The following ABI3BP variants were observed in gnomAD, a reference collection of about 807,000 sequenced individuals.
The protein encoded by ABI3BP is ABI family member 3 binding protein, also known as target of Nesh-SH3.
In ABI3BP, 216 loss-of-function variants were observed where a neutral mutation model predicts 268.6. That is an observed-to-expected ratio of 0.80 (90% CI 0.72 to 0.90). The LOEUF (loss-of-function observed/expected upper bound fraction) is 0.90. Ranked by LOEUF, ABI3BP falls within the 40% of genes least tolerant of loss-of-function variation. The pLI is 0.00. For synonymous variants in ABI3BP, 730 were observed against 730.0 expected, an observed-to-expected ratio of 1.00 and a Z score of 0.00; for missense variants, 2,090 against 2,182.4, an observed-to-expected ratio of 0.96 and a Z score of 0.84.
intron 1 of ABI3BP, among the ~76,000 whole-genome samples, chr3:100,951,852 G>C (rs1239767927): frequency 1.3e-5 from 2 of 151,884 alleles, no homozygotes; most frequent in Non-Finnish European, 2.9e-5. Flanking sequence ...TTTGGTGCAG[G>C]TCATCTTGAG....
At chr3:100,973,725 G>A (rs563671536) in intron 1 of ABI3BP, among the ~76,000 whole-genome samples, 25 of 152,242 alleles carry the variant, frequency 1.6e-4, no homozygotes, top group African/African-American at 5.1e-4. Context: ...GACTCTTGAA[G>A]CCTCAAATGG....
intron 2 of ABI3BP, among the ~76,000 whole-genome samples, 198 bp from the exon 3 acceptor site, chr3:100,902,884 T>C (rs1336278513): frequency 2.0e-5 from 3 of 152,152 alleles, no homozygotes; most frequent in African/African-American, 4.8e-5. Flanking sequence ...TAAATCCAGA[T>C]TTTCCAAACC....
intron 1 of ABI3BP, among the ~76,000 whole-genome samples, chr3:100,974,463 T>C (rs564758715): frequency 5.3e-5 from 8 of 152,262 alleles, no homozygotes; most frequent in Admixed American, 2.0e-4. Context: ...CATGGATATA[T>C]TATGAAAGAA....
intron 2 of ABI3BP, among the ~76,000 whole-genome samples, chr3:100,918,686 A>G (rs1055380883): frequency 3.3e-5 from 5 of 152,058 alleles, no homozygotes; most frequent in Admixed American, 6.6e-5. Context: ...ACAAGTTTTG[A>G]GGATGAAATG....
chr3:100,882,837 A>G (rs936028378), intron 6 of ABI3BP, among the ~76,000 whole-genome samples: 4 of 152,172 alleles, frequency 2.6e-5, no homozygotes, highest in African/African-American at 9.7e-5. Flanking sequence ...GAAAGAAATG[A>G]TATCATGGAG....
chr3:100,910,514 A>G (rs1401493775), intron 2 of ABI3BP, among the ~76,000 whole-genome samples: 1 of 152,014 alleles, frequency 6.6e-6, no homozygotes, highest in Non-Finnish European at 1.5e-5. Context: ...AATAAATTCT[A>G]TTTCTTTCCT....
At position 100,844,489 on chromosome 3, in the gene ABI3BP, A is replaced by T. The variant is rs950807223; in HGVS notation, c.1723+1883T>A. On this transcript the variant is annotated intron_variant, in intron 20 of 67. Transcript: ENST00000471714. ...CAAAGGAAAAGGAGCCTGTAAAGGA[A>T]AGTGAAACAGAAAAATAGAAGAGTG... The T allele has an allele frequency of 1.7e-5, 17 of 982,284 alleles. No homozygotes were observed. In the Admixed American group the frequency reaches 8.6e-4, roughly 50 times the overall value. The allele number at this position is 982,284 out of a possible 1,614,324, so 60.8% of individuals were successfully genotyped here.
chr3:100,821,671 C>G (rs926156945), intron 38 of ABI3BP, among the ~76,000 whole-genome samples: 1 of 145,714 alleles, frequency 6.9e-6, no homozygotes, highest in Non-Finnish European at 1.5e-5. Flanking sequence ...GGCGCGATCT[C>G]GGCTCACTGC....
intron 1 of ABI3BP, among the ~76,000 whole-genome samples, chr3:100,971,363 A>G (rs191846925): frequency 2.2e-4 from 34 of 152,316 alleles, no homozygotes; most frequent in Non-Finnish European, 4.4e-4. Flanking sequence ...GACTTTACAT[A>G]AGCATCGGTA....
intron 1 of ABI3BP, among the ~76,000 whole-genome samples, chr3:100,972,493 A>T (rs1345059279): frequency 1.3e-5 from 2 of 152,198 alleles, no homozygotes; most frequent in Non-Finnish European, 2.9e-5. Context: ...TATTTTTGCC[A>T]CTTAAGGCTC....
chr3:100,888,132 C>A (rs1223591040), intron 4 of ABI3BP, among the ~76,000 whole-genome samples: 1 of 152,080 alleles, frequency 6.6e-6, no homozygotes, highest in Non-Finnish European at 1.5e-5. Context: ...TAGCTTGCTC[C>A]TTTCTAGTGA....
At chr3:100,894,560 G>A (rs1057180719) in intron 4 of ABI3BP, among the ~76,000 whole-genome samples, 4 of 152,044 alleles carry the variant, frequency 2.6e-5, no homozygotes, top group East Asian at 3.9e-4. Context: ...GAAGATACTC[G>A]CTTCTTACAA....
At chr3:100,870,372 A>G (rs1251482930) in intron 9 of ABI3BP, among the ~76,000 whole-genome samples, 2 of 152,082 alleles carry the variant, frequency 1.3e-5, no homozygotes, top group African/African-American at 2.4e-5. Context: ...TAATTAAAAC[A>G]TGGGCAAAGG....
intron 56 of ABI3BP, among the ~76,000 whole-genome samples, chr3:100,788,899 T>G (rs527465969): frequency 6.6e-6 from 1 of 152,224 alleles, no homozygotes; most frequent in African/African-American, 2.4e-5. Flanking sequence ...ATGAACTAGA[T>G]CAACCCCTGC....
chr3:100,936,441 T>C (rs1459876260), intron 1 of ABI3BP, among the ~76,000 whole-genome samples: 1 of 152,146 alleles, frequency 6.6e-6, no homozygotes, highest in African/African-American at 2.4e-5. Context: ...AATTTTCTTT[T>C]TTTGTTGTGT....
At chr3:100,775,378 G>A in intron 59 of ABI3BP, 43 bp from the exon 60 acceptor site, 2 of 1,566,832 alleles carry the variant, frequency 1.3e-6, no homozygotes, top group Non-Finnish European at 1.7e-6. Flanking sequence ...TAGGAACACT[G>A]CCAAGTTTCC....
Position 100,824,855 on chromosome 3 carries a change from T to C in ABI3BP, c.2746+3A>G, listed in dbSNP as rs2098338513. On this transcript the variant is annotated splice_donor_region_variant and intron_variant, in intron 36 of 67. Transcript: ENST00000471714. ...CCCTTAAACCAAGGAATCACAGATT[T>C]ACCAGGTTTGGTCTCAGGTGCCTGA... 1 of 1,534,962 alleles carries C rather than the reference T, an allele frequency of 6.5e-7. No individual in the cohort carries two copies. The highest frequency in any genetic ancestry group is 8.7e-7 in the Non-Finnish European group (1 of 1,145,894).
intron 6 of ABI3BP, among the ~76,000 whole-genome samples, chr3:100,881,950 T>A (rs181178599): frequency 6.6e-6 from 1 of 152,326 alleles, no homozygotes; most frequent in East Asian, 1.9e-4. Flanking sequence ...TCTAGATATA[T>A]GAATTACAAT....
chr3:100,979,496 T>C (rs2088104493), intron 1 of ABI3BP, among the ~76,000 whole-genome samples: 2 of 152,228 alleles, frequency 1.3e-5, no homozygotes, highest in African/African-American at 4.8e-5. Context: ...ACTCTGTTAA[T>C]GCTTATCCTT....
Sources: gnomAD v4.1 joint callset for allele counts (sites outside exome capture counted in the v4.1 genomes callset) on GRCh38, gnomAD v4.1.1 for gene constraint, MANE v1.5 for transcripts, NCBI Gene and HGNC (gene_info 2026-07-23, HGNC 2026-07-21) for gene names.